The following GPATCH8 variants were observed in gnomAD, a reference collection of about 807,000 sequenced individuals.
GPATCH8 encodes G-patch domain containing 8, also known as G patch domain-containing protein 8.
A neutral mutation model predicts 118.3 loss-of-function variants in GPATCH8; 18 were observed. That is an observed-to-expected ratio of 0.15 (90% confidence interval 0.11 to 0.23). The LOEUF (loss-of-function observed/expected upper bound fraction) is 0.23. Among genes scored for constraint, GPATCH8 ranks in the 10% least tolerant of loss-of-function variants. The probability of loss-of-function intolerance (pLI) is 1.00; values close to 1 mark genes in which losing one functional copy is unlikely to be tolerated. For synonymous variants in GPATCH8, 659 were observed against 684.7 expected (o/e 0.96, Z 0.59); for missense variants, 1,631 against 1,873.8 (o/e 0.87, Z 2.39).
In GPATCH8 at chr17:44,400,690, C is replaced by T. The variant is rs1160355570; in HGVS notation, c.1387G>A (p.Glu463Lys). Residue 463 changes from glutamate to lysine, a missense_variant, in exon 8 of 8, where the codon GAG (glutamate) becomes AAG (lysine). By Grantham distance (56) the Glu-to-Lys change is moderately conservative (BLOSUM62 1). Around this residue, in one of 8 missense-constraint regions of GPATCH8, gnomAD observed 405 missense variants for 462.7 expected, o/e 0.88. Coordinates refer to ENST00000591680, the MANE Select transcript of GPATCH8 (RefSeq NM_001002909.4). The stretch of plus-strand genomic sequence containing the variant: ...GTCATGCTGGTTTCCTTCGGCTGCT[C>T]AGAGACTTCACTAACTGTCTTTTCT... ...GAEKTVSEVS[E>K]QPKETSMTEP... is the part of the protein sequence containing the mutation. The T allele has an allele frequency of 6.2e-7, 1 of 1,611,014 alleles. No homozygotes were observed. Among genetic ancestry groups the T allele is most frequent in the Non-Finnish European group, 8.5e-7 (1 of 1,178,186 alleles).
rs527717436 is a variant in GPATCH8, at chr17:44,446,122, T to A, written c.194-9577A>T. On this transcript the variant is annotated intron_variant, in intron 3 of 7. Coordinates refer to ENST00000591680, the MANE Select transcript of GPATCH8 (RefSeq NM_001002909.4). ...GTGTGGCTAATTAAAAAAAAAAAAA[T>A]TTTTTTTTGTAGAGATGGTGTCTCA... Among the ~76,000 whole-genome samples the A allele has an allele frequency of 8.2e-4, 123 of 149,858 alleles. 2 individuals carry two copies. Among genetic ancestry groups the A allele is most frequent in the Middle Eastern group, 6.8e-3 (2 of 292 alleles).
chr17:44,429,357 T>C (rs2050208382), intron 5 of GPATCH8, among the ~76,000 whole-genome samples: 1 of 152,186 alleles, frequency 6.6e-6, no homozygotes, highest in Non-Finnish European at 1.5e-5. Flanking sequence ...GGCTAAAGTA[T>C]ATTGCTTTAA....
chr17:44,475,048 A>T, intron 1 of GPATCH8, 145 bp from the exon 2 acceptor site: 1 of 644,904 alleles, frequency 1.6e-6, no homozygotes, highest in South Asian at 1.7e-5. Context: ...TTCAGTACAC[A>T]ATCAAAACCA....
chr17:44,399,342 T>C lies in GPATCH8; in HGVS notation c.2735A>G (p.Asp912Gly), dbSNP rs200839921. The C allele has an allele frequency of 3.7e-6, 6 of 1,614,190 alleles. No individual in the cohort carries two copies. In the East Asian group the frequency reaches 8.9e-5, roughly 24 times the overall value. ...TTTGGAGCTGGCATAGTCTGAGTCATCTGAGTCATGGGAGCGCTTGGAGTG... is the reference window on the plus strand; with the variant it reads ...TTTGGAGCTGGCATAGTCTGAGTCACCTGAGTCATGGGAGCGCTTGGAGTG... ...RRHSKRSHDS[D>G]DSDYASSKHR... The change falls in exon 8 of 8, where the codon GAT (aspartate) becomes GGT (glycine). Residue 912 changes from aspartate (D) to glycine (G), a missense_variant. Physicochemically the swap from Asp to Gly is moderately conservative, Grantham distance 94. Around this residue, in one of 8 missense-constraint regions of GPATCH8, gnomAD observed 922 missense variants for 879.7 expected, o/e 1.05. Transcript: ENST00000591680.
At chr17:44,447,755 T>G (rs2050940492) in intron 3 of GPATCH8, among the ~76,000 whole-genome samples, 1 of 151,962 alleles carries the variant, frequency 6.6e-6, no homozygotes, top group South Asian at 2.1e-4. Flanking sequence ...ACCTCCCAAG[T>G]AGCTAGGGCT....
At chr17:44,408,834 G>C (rs376664376) in intron 6 of GPATCH8, among the ~76,000 whole-genome samples, 3 of 152,240 alleles carry the variant, frequency 2.0e-5, no homozygotes, top group Admixed American at 6.5e-5. Context: ...CTAAATTGCA[G>C]GCTCCCTCTG....
chr17:44,398,229 G>A lies in GPATCH8; in HGVS notation c.3848C>T (p.Ala1283Val), dbSNP rs776529107. 23 of 1,612,860 alleles carry A rather than the reference G, an allele frequency of 1.4e-5. No individual in the cohort carries two copies. The African/African-American group carries it at 2.4e-4, about 17-fold the overall frequency. Residue 1283 changes from alanine (A) to valine (V), a missense_variant, in exon 8 of 8, where the codon GCA (alanine) becomes GTA (valine). Physicochemically the swap from Ala to Val is moderately conservative, Grantham distance 64. Coordinates refer to ENST00000591680, the MANE Select transcript of GPATCH8 (RefSeq NM_001002909.4). Reference protein sequence around the residue: ...APDLEHFPSYAPPSGDPSIES... With the variant: ...APDLEHFPSYVPPSGDPSIES... ...AATACTAGGATCCCCACTGGGAGGT[G>A]CATAACTGGGGAAATGCTCAAGGTC...
intron 2 of GPATCH8, chr17:44,474,589 A>G: frequency 1.7e-6 from 1 of 597,468 alleles, no homozygotes; most frequent in East Asian, 3.2e-5. Flanking sequence ...GGTATGGGCC[A>G]AAAAGATATT....
chr17:44,491,679 C>A (rs2144474736), intron 1 of GPATCH8, among the ~76,000 whole-genome samples: 1 of 152,012 alleles, frequency 6.6e-6, no homozygotes, highest in Non-Finnish European at 1.5e-5. Context: ...AAGACTCCAT[C>A]CCTACAAAAA....
intron 3 of GPATCH8, among the ~76,000 whole-genome samples, chr17:44,449,566 G>T (rs534715290): frequency 6.7e-6 from 1 of 149,916 alleles, no homozygotes; most frequent in Non-Finnish European, 1.5e-5. Flanking sequence ...GCCCAGGCTG[G>T]AGTGCAATGG....
intron 3 of GPATCH8, among the ~76,000 whole-genome samples, chr17:44,445,039 T>A (rs954893012): frequency 2.0e-5 from 3 of 152,210 alleles, no homozygotes; most frequent in Non-Finnish European, 2.9e-5. Context: ...CATATCACTA[T>A]ATTAGAAAGG....
At chr17:44,439,939 G>A (rs1223911736) in intron 3 of GPATCH8, among the ~76,000 whole-genome samples, 2 of 151,796 alleles carry the variant, frequency 1.3e-5, no homozygotes, top group Non-Finnish European at 1.5e-5. Flanking sequence ...ATGCACCACC[G>A]TGCCCGGCTA....
At chr17:44,496,042 T>C (rs1041099660) in intron 1 of GPATCH8, among the ~76,000 whole-genome samples, 1 of 152,168 alleles carries the variant, frequency 6.6e-6, no homozygotes. Context: ...TAATTTTTTG[T>C]ATTTTTAGTA....
intron 6 of GPATCH8, among the ~76,000 whole-genome samples, chr17:44,411,125 G>C (rs2049413517): frequency 6.6e-6 from 1 of 152,060 alleles, no homozygotes; most frequent in Non-Finnish European, 1.5e-5. Context: ...TAGACTTCAA[G>C]AGCAGAAACA....
rs559391399 is a variant in GPATCH8 at position 44,464,422 on chromosome 17, G to GCAT, written c.193+47_193+49dup. The GCAT allele has an allele frequency of 1.6e-4, 167 of 1,027,544 alleles. 1 individual carries two copies. The South Asian group carries it at 2.0e-3, about 12-fold the overall frequency. 63.7% of individuals were successfully genotyped at this position (1,027,544 alleles called of 1,614,324 possible). On this transcript the variant is annotated intron_variant, in intron 3 of 7. Coordinates refer to ENST00000591680, the MANE Select transcript of GPATCH8 (RefSeq NM_001002909.4). ...ACAAATACATTCAGGTACAAGATCTGCATCAGAAATGGTTTTCTTCCTTTT... is the reference window on the plus strand; with the variant it reads ...ACAAATACATTCAGGTACAAGATCTGCATCATCAGAAATGGTTTTCTTCCTTTT...
chr17:44,498,374 C>T (rs1969819116), intron 1 of GPATCH8, among the ~76,000 whole-genome samples: 1 of 152,184 alleles, frequency 6.6e-6, no homozygotes, highest in Admixed American at 6.5e-5. Flanking sequence ...GTCCTCTGAT[C>T]ACAGTTCTTC....
chr17:44,460,792 T>C lies in GPATCH8; in HGVS notation c.193+3680A>G, dbSNP rs201705041. Among the ~76,000 whole-genome samples the C allele has an allele frequency of 2.6e-5, 4 of 152,338 alleles. No homozygotes were observed. The East Asian group carries it at 7.7e-4, about 29-fold the overall frequency. ...TTTACACTAGAGTGACAGGGCTTTT[T>C]TGAATGGTTATTTATATCAAAGGTT... On this transcript the variant is annotated intron_variant, in intron 3 of 7. Transcript: ENST00000591680.
chr17:44,483,179 AT>A lies in GPATCH8; in HGVS notation c.46-8277del, dbSNP rs1568055902. ...CAAAAAAAAAAAAAAAAAAAAAAAT[AT>A]ATATATATATATATATATATATATA... On this transcript the variant is annotated intron_variant, in intron 1 of 7. Coordinates refer to ENST00000591680, the MANE Select transcript of GPATCH8 (RefSeq NM_001002909.4). Among the ~76,000 whole-genome samples, 108 of 19,982 alleles carry A rather than the reference AT, an allele frequency of 5.4e-3. 2 individuals are homozygous for A. Among genetic ancestry groups the A allele is most frequent in the African/African-American group, 6.9e-3 (30 of 4,366 alleles). The allele number at this position is 19,982 out of a possible 152,430, so 13.1% of individuals were successfully genotyped here. A position where few individuals can be genotyped will look rare whatever the true frequency, so the allele number is the denominator to read the frequency against.
chr17:44,404,598 A>G (rs2049150247), intron 7 of GPATCH8, among the ~76,000 whole-genome samples: 1 of 152,138 alleles, frequency 6.6e-6, no homozygotes, highest in African/African-American at 2.4e-5. Context: ...TCTTATCTCT[A>G]TCTTACAGAT....
Sources: gnomAD v4.1 joint callset for allele counts (sites outside exome capture counted in the v4.1 genomes callset) on GRCh38, gnomAD v4.1.1 for gene constraint, gnomAD v4.1.1 regional missense constraint, MANE v1.5 for transcripts, NCBI Gene and HGNC (gene_info 2026-07-23, HGNC 2026-07-21) for gene names.